TTC39B: variants seen among roughly 807,000 people sequenced by gnomAD.
The protein encoded by TTC39B is tetratricopeptide repeat protein 39B.
In TTC39B, 92 loss-of-function variants were observed where a neutral mutation model predicts 96.6. The observed-to-expected ratio is 0.95, with a 90% CI of 0.80 to 1.13. TTC39B has a LOEUF of 1.13. Ranked by LOEUF, TTC39B falls within the 50% of genes most tolerant of loss-of-function variation. The pLI is 0.00. For missense variants in TTC39B, 955 were observed against 809.3 expected (o/e 1.18, Z -2.18); for synonymous variants, 367 against 299.4 (o/e 1.23, Z -2.33).
chr9:15,298,411 A>C (rs1175485730), intron 1 of TTC39B, among the ~76,000 whole-genome samples: 1 of 152,238 alleles, frequency 6.6e-6, no homozygotes, highest in South Asian at 2.1e-4. Context: ...TTTATAAAGA[A>C]AAAGAGGTTT....
intron 14 of TTC39B, 116 bp downstream of exon 14, chr9:15,187,855 T>A (rs1818620663): frequency 1.8e-6 from 2 of 1,101,802 alleles, no homozygotes; most frequent in Non-Finnish European, 2.5e-6. Flanking sequence ...CTTTTGTGGA[T>A]CTCTAAGTTG....
chr9:15,279,269 G>A (rs1450834804), intron 1 of TTC39B, among the ~76,000 whole-genome samples: 1 of 152,210 alleles, frequency 6.6e-6, no homozygotes, highest in Non-Finnish European at 1.5e-5. Flanking sequence ...AAAATTGGCA[G>A]AGTTAGCAGT....
At chr9:15,177,229 A>T (rs1817989755) in intron 18 of TTC39B, among the ~76,000 whole-genome samples, 1 of 152,154 alleles carries the variant, frequency 6.6e-6, no homozygotes, top group Admixed American at 6.5e-5. Flanking sequence ...GCTACTCAAG[A>T]GGCTAAGCTG....
At chr9:15,182,312 C>A (rs1449099259) in exon 17 of TTC39B, 1 of 1,607,776 alleles carries the variant, frequency 6.2e-7, no homozygotes, top group Non-Finnish European at 8.5e-7. Context: ...CTTACTTTGA[C>A]TTTGTAAAGC....
rs149869708 is a variant in TTC39B, at chr9:15,216,808, C to T, written c.372-2559G>A. ...GCGATACAGCAATGAACAAGACACA[C>T]AGGAACCCAGGCTCTCAAAGAGCTT... On this transcript the variant is annotated intron_variant, in intron 3 of 19. Transcript: ENST00000512701. Among the ~76,000 whole-genome samples the T allele has an allele frequency of 3.9e-3, 599 of 152,308 alleles. 4 individuals are homozygous for T. Among genetic ancestry groups the T allele is most frequent in the African/African-American group, 0.014 (576 of 41,570 alleles).
At chr9:15,246,806 T>A (rs911172509) in intron 2 of TTC39B, among the ~76,000 whole-genome samples, 2 of 152,232 alleles carry the variant, frequency 1.3e-5, no homozygotes, top group Non-Finnish European at 2.9e-5. Context: ...CTCCTCCAGC[T>A]CCAGCTGAGC....
chr9:15,260,192 A>G (rs1822894779), intron 2 of TTC39B, among the ~76,000 whole-genome samples: 1 of 151,982 alleles, frequency 6.6e-6, no homozygotes, highest in African/African-American at 2.4e-5. Flanking sequence ...ATTGAAATAT[A>G]CACATTTCCT....
chr9:15,283,770 G>C (rs937923794), intron 1 of TTC39B, among the ~76,000 whole-genome samples: 2 of 152,140 alleles, frequency 1.3e-5, no homozygotes, highest in Non-Finnish European at 2.9e-5. Context: ...TTACAGTAGA[G>C]AGAAAATATT....
At chr9:15,183,366 T>TA in intron 16 of TTC39B, 1 of 435,116 alleles carries the variant, frequency 2.3e-6, no homozygotes, top group African/African-American at 2.1e-5. Context: ...GATGATCTTT[T>TA]AAAAATTCCT....
chr9:15,307,038 GTCCAGGGCT>G (rs1563803000), intron 1 of TTC39B, 37 bp downstream of exon 1: 18 of 1,595,908 alleles, frequency 1.1e-5, no homozygotes, highest in Non-Finnish European at 1.5e-5. Flanking sequence ...CCGGACTCCT[GTCCAGGGCT>G]TCAGGGGCCG....
chr9:15,201,331 G>T (rs1819526997), intron 7 of TTC39B, among the ~76,000 whole-genome samples: 1 of 151,354 alleles, frequency 6.6e-6, no homozygotes, highest in African/African-American at 2.4e-5. Context: ...TTTTATACCA[G>T]GCACCCAAAT....
chr9:15,267,674 TTTG>T (rs1176045210), intron 2 of TTC39B, among the ~76,000 whole-genome samples: 3 of 152,160 alleles, frequency 2.0e-5, no homozygotes, highest in Non-Finnish European at 4.4e-5. Context: ...AAACAAATAC[TTTG>T]TTGAGAAATA....
intron 3 of TTC39B, 49 bp from the exon 4 acceptor site, chr9:15,214,298 G>C (rs763151701): frequency 1.4e-6 from 2 of 1,420,186 alleles, no homozygotes; most frequent in Middle Eastern, 1.8e-4. Flanking sequence ...TTTACGATCA[G>C]CAAGTTGTCC....
intron 13 of TTC39B, among the ~76,000 whole-genome samples, chr9:15,189,110 T>C (rs145089254): frequency 6.6e-6 from 1 of 152,342 alleles, no homozygotes; most frequent in African/African-American, 2.4e-5. Context: ...GGTTTGTGAA[T>C]GTATATACAT....
At chr9:15,180,125 G>A (rs564391891) in intron 17 of TTC39B, among the ~76,000 whole-genome samples, 7 of 152,240 alleles carry the variant, frequency 4.6e-5, no homozygotes, top group East Asian at 1.9e-4. Flanking sequence ...CAAAAGATCC[G>A]CTGAACTTTT....
intron 17 of TTC39B, among the ~76,000 whole-genome samples, chr9:15,181,947 C>T (rs898134663): frequency 6.6e-6 from 1 of 152,186 alleles, no homozygotes; most frequent in African/African-American, 2.4e-5. Context: ...TCACCTCCCT[C>T]CCCAGAAAGC....
At chr9:15,208,486 G>A (rs1260925639) in intron 6 of TTC39B, among the ~76,000 whole-genome samples, 1 of 152,096 alleles carries the variant, frequency 6.6e-6, no homozygotes, top group African/African-American at 2.4e-5. Flanking sequence ...ACAGAAAGGA[G>A]AATACAACAA....
intron 18 of TTC39B, among the ~76,000 whole-genome samples, chr9:15,177,336 TA>T (rs904618377): frequency 4.7e-5 from 7 of 148,670 alleles, no homozygotes; most frequent in Non-Finnish European, 7.5e-5. Flanking sequence ...TCCCATCTCT[TA>T]AAAAAAAAGA....
intron 6 of TTC39B, among the ~76,000 whole-genome samples, chr9:15,205,970 T>TA (rs1336964368): frequency 6.6e-6 from 1 of 152,124 alleles, no homozygotes; most frequent in Non-Finnish European, 1.5e-5. Flanking sequence ...CCTTGAATGT[T>TA]AGAGTCTGCA....
Sources: allele counts gnomAD v4.1 joint callset (sites outside exome capture counted in the v4.1 genomes callset), GRCh38; gene constraint gnomAD v4.1.1; transcripts MANE v1.5; gene names NCBI Gene and HGNC (gene_info 2026-07-23, HGNC 2026-07-21).